CRIM1: variants seen among roughly 807,000 people sequenced by gnomAD.
CRIM1 encodes the protein cysteine rich transmembrane BMP regulator 1.
In CRIM1, 32 loss-of-function variants were observed where a neutral mutation model predicts 116.4. The observed-to-expected ratio is 0.27, with a 90% CI of 0.21 to 0.37. CRIM1 has a LOEUF of 0.37. Ranked by LOEUF, CRIM1 falls within the 10% of genes least tolerant of loss-of-function variation. The pLI is 1.00. For synonymous variants in CRIM1, 590 were observed against 509.2 expected (o/e 1.16, Z -2.13); for missense variants, 1,331 against 1,354.8 (o/e 0.98, Z 0.28).
intron 1 of CRIM1, among the ~76,000 whole-genome samples, chr2:36,370,027 GA>G (rs1290769248): frequency 6.6e-6 from 1 of 152,184 alleles, no homozygotes; most frequent in African/African-American, 2.4e-5. Context: ...TCAGCAAACT[GA>G]AAATGACTTC....
intron 14 of CRIM1, among the ~76,000 whole-genome samples, chr2:36,539,317 G>A (rs1000158359): frequency 3.3e-5 from 5 of 152,348 alleles, no homozygotes; most frequent in African/African-American, 9.6e-5. Context: ...CGTGCTGTGC[G>A]TGTTCAAGGT....
intron 2 of CRIM1, among the ~76,000 whole-genome samples, chr2:36,399,146 G>C (rs1480419106): frequency 6.6e-6 from 1 of 152,226 alleles, no homozygotes; most frequent in East Asian, 1.9e-4. Context: ...ATAAAGATTG[G>C]AGGGAGGATA....
At chr2:36,411,604 A>T (rs2148415855) in intron 2 of CRIM1, among the ~76,000 whole-genome samples, 1 of 152,228 alleles carries the variant, frequency 6.6e-6, no homozygotes, top group South Asian at 2.1e-4. Flanking sequence ...ATCCATGATG[A>T]TATCATAGGT....
At chr2:36,499,468 A>G (rs1680836762) in intron 8 of CRIM1, 121 bp downstream of exon 8, 2 of 989,760 alleles carry the variant, frequency 2.0e-6, no homozygotes, top group Non-Finnish European at 3.0e-6. Flanking sequence ...CCTGAAAAAA[A>G]GGGGAAAAAA....
At position 36,477,031 on chromosome 2, in the gene CRIM1, G is replaced by A. The variant is rs1333098545; in HGVS notation, c.1134G>A (p.Arg378=). 1 of 1,613,582 alleles carries A rather than the reference G, an allele frequency of 6.2e-7. No individual in the cohort carries two copies. Among genetic ancestry groups the A allele is most frequent in the Non-Finnish European group, 8.5e-7 (1 of 1,179,722 alleles). The change falls in exon 6 of 17, where the codon AGG becomes AGA. Residue 378 remains arginine (R), a synonymous_variant. Transcript: ENST00000280527. The part of the protein sequence containing the change: ...TAQCGEINCE[R]YYVPEGECCP... Reference sequence around the variant, plus strand: ...AGTGTGGTGAGATAAACTGCGAGAGGTACTACGTGCCCGAAGGAGAGTGCT... The same window carrying A: ...AGTGTGGTGAGATAAACTGCGAGAGATACTACGTGCCCGAAGGAGAGTGCT...
intron 4 of CRIM1, among the ~76,000 whole-genome samples, chr2:36,452,634 A>G (rs976144811): frequency 2.6e-5 from 4 of 152,182 alleles, no homozygotes; most frequent in Non-Finnish European, 4.4e-5. Flanking sequence ...TGATTTGTCA[A>G]TAATTCTCTT....
Position 36,479,520 on chromosome 2 carries a change from C to G in CRIM1, c.1198C>G (p.Pro400Ala). The change falls in exon 7 of 17, where the codon CCC becomes GCC. Residue 400 changes from proline (P) to alanine (A), a missense_variant. Pro to Ala is a conservative substitution (Grantham distance 27). Around this residue, in one of 3 missense-constraint regions of CRIM1, gnomAD observed 690 missense variants for 676.0 expected, o/e 1.02. Transcript: ENST00000280527. Reference sequence around the variant, plus strand: ...AGATCCAGTGTATCCTTTTAATAATCCCGCTGGCTGCTATGCCAATGGCCT... The same window carrying G: ...AGATCCAGTGTATCCTTTTAATAATGCCGCTGGCTGCTATGCCAATGGCCT... ...CEDPVYPFNNPAGCYANGLIL... is the reference protein window; with the variant it reads ...CEDPVYPFNNAAGCYANGLIL... 6.2e-7 allele frequency: 1 copy of G among 1,614,222 alleles called. No homozygotes were observed. The highest frequency in any genetic ancestry group is 8.5e-7 in the Non-Finnish European group (1 of 1,180,024).
intron 2 of CRIM1, among the ~76,000 whole-genome samples, chr2:36,425,107 C>G (rs1033425758): frequency 6.6e-6 from 1 of 152,172 alleles, no homozygotes. Context: ...GCTAATGTTC[C>G]TCTTGTTCTT....
intron 12 of CRIM1, among the ~76,000 whole-genome samples, chr2:36,519,898 G>A (rs1033853146): frequency 3.5e-5 from 5 of 141,308 alleles, no homozygotes; most frequent in African/African-American, 5.3e-5. Flanking sequence ...AAAAAAGCAT[G>A]GCAGAGAAGA....
At chr2:36,442,216 T>G (rs2124939130) in intron 3 of CRIM1, among the ~76,000 whole-genome samples, 1 of 152,250 alleles carries the variant, frequency 6.6e-6, no homozygotes, top group South Asian at 2.1e-4. Context: ...GCCAGTTGTT[T>G]TTTTGTTTGG....
chr2:36,528,960 C>T (rs1047320989), intron 13 of CRIM1, among the ~76,000 whole-genome samples: 5 of 152,144 alleles, frequency 3.3e-5, no homozygotes, highest in Non-Finnish European at 5.9e-5. Flanking sequence ...TCCAGGCCCC[C>T]GGCTGTGTAA....
intron 5 of CRIM1, among the ~76,000 whole-genome samples, chr2:36,471,258 G>A (rs1280234541): frequency 6.6e-6 from 1 of 152,146 alleles, no homozygotes; most frequent in Non-Finnish European, 1.5e-5. Flanking sequence ...AGTTGATAAA[G>A]CAACAGCAGG....
chr2:36,449,818 A>G (rs1272616838), intron 4 of CRIM1, among the ~76,000 whole-genome samples: 2 of 152,076 alleles, frequency 1.3e-5, no homozygotes, highest in African/African-American at 4.8e-5. Context: ...AGAAAAGGAG[A>G]AAGTCCAGGG....
intron 14 of CRIM1, among the ~76,000 whole-genome samples, chr2:36,543,977 A>G (rs2125187235): frequency 6.6e-6 from 1 of 152,326 alleles, no homozygotes; most frequent in East Asian, 1.9e-4. Context: ...TTTTGCTAAC[A>G]TATTTTATGT....
chr2:36,487,315 T>G (rs1679895863), intron 7 of CRIM1, among the ~76,000 whole-genome samples: 1 of 152,208 alleles, frequency 6.6e-6, no homozygotes, highest in South Asian at 2.1e-4. Context: ...ATAAAATTAT[T>G]TTTAAACATA....
chr2:36,506,667 C>T (rs1249899226), intron 8 of CRIM1, among the ~76,000 whole-genome samples: 4 of 152,082 alleles, frequency 2.6e-5, no homozygotes, highest in Non-Finnish European at 5.9e-5. Context: ...TCTCTTCAAT[C>T]GTAACTTCTC....
chr2:36,443,974 A>G (rs1676056094), intron 4 of CRIM1, among the ~76,000 whole-genome samples: 1 of 152,230 alleles, frequency 6.6e-6, no homozygotes, highest in Non-Finnish European at 1.5e-5. Context: ...ATTTATGTGC[A>G]GATGCTTAGG....
At chr2:36,506,190 C>T (rs1306072912) in intron 8 of CRIM1, among the ~76,000 whole-genome samples, 5 of 89,556 alleles carry the variant, frequency 5.6e-5, no homozygotes, top group Non-Finnish European at 1.4e-4. Context: ...CTCACACACA[C>T]ACACACACAC....
chr2:36,417,125 C>T (rs1673680178), intron 2 of CRIM1, among the ~76,000 whole-genome samples: 2 of 152,174 alleles, frequency 1.3e-5, no homozygotes, highest in Admixed American at 6.5e-5. Flanking sequence ...GCAGATGTTG[C>T]AGTCCTTCCC....
Sources: allele counts gnomAD v4.1 joint callset (sites outside exome capture counted in the v4.1 genomes callset), GRCh38; gene constraint gnomAD v4.1.1; regional missense constraint gnomAD v4.1.1; transcripts MANE v1.5; gene names NCBI Gene and HGNC (gene_info 2026-07-23, HGNC 2026-07-21).